Variants in DRAXIN observed in about 807,000 individuals in gnomAD.
The protein encoded by DRAXIN is dorsal inhibitory axon guidance protein, also known as dorsal repulsive axon guidance protein.
In DRAXIN, 27 loss-of-function variants were observed where a neutral mutation model predicts 33.9. That is an observed-to-expected ratio of 0.80 (90% CI 0.59 to 1.10). The LOEUF is 1.10. Ranked by LOEUF, DRAXIN falls within the 50% of genes least tolerant of loss-of-function variation. The probability of loss-of-function intolerance (pLI) is 0.00; values close to 1 mark genes in which losing one functional copy is unlikely to be tolerated. For synonymous variants in DRAXIN, 178 were observed against 194.0 expected (o/e 0.92, Z 0.69); for missense variants, 371 against 460.8 (o/e 0.81, Z 1.78).
At chr1:11,695,704 C>T (rs539200100) in intron 1 of DRAXIN, among the ~76,000 whole-genome samples, 11 of 151,882 alleles carry the variant, frequency 7.2e-5, no homozygotes, top group Non-Finnish European at 1.6e-4. Flanking sequence ...GATACCCAAA[C>T]AAACACAGAG....
Position 11,715,147 on chromosome 1 carries a change from C to G in DRAXIN, c.876C>G (p.Leu292=), listed in dbSNP as rs759539187. ...CTTGCTGCGACCTGCGGGAGCATCT[C>G]TGCACACCCCACAACCGAGGCCTCA... ...PGTCCDLREH[L]CTPHNRGLNN... is the part of the protein sequence containing the mutation. Residue 292 remains leucine, a synonymous_variant, in exon 6 of 7, where the codon CTC becomes CTG. Transcript: ENST00000294485. 6.2e-7 allele frequency: 1 copy of G among 1,614,268 alleles called. No individual in the cohort carries two copies. The highest frequency in any genetic ancestry group is 8.5e-7 in the Non-Finnish European group (1 of 1,180,054).
upstream of DRAXIN, among the ~76,000 whole-genome samples, chr1:11,690,678 C>T (rs1641044929): frequency 6.6e-6 from 1 of 152,210 alleles, no homozygotes; most frequent in South Asian, 2.1e-4. The surrounding 1 kb of genome is among the most constrained non-coding windows in gnomAD (Gnocchi z 4.2). Flanking sequence ...GCGCTGCTTC[C>T]CACATATGGG....
chr1:11,700,797 C>A (rs1457068156), intron 1 of DRAXIN, among the ~76,000 whole-genome samples: 1 of 152,186 alleles, frequency 6.6e-6, no homozygotes, highest in African/African-American at 2.4e-5. Context: ...TCCCATGGGA[C>A]CCGCCTTGGC....
At position 11,706,443 on chromosome 1, in the gene DRAXIN, C is replaced by G; in HGVS notation, c.185C>G (p.Pro62Arg). The stretch of plus-strand genomic sequence containing the variant: ...GCCAGCCACCACCGCCGGCGGGGCC[C>G]GGGCAAGAAGGAGTGGGGCCCAGGC... ...PQASHHRRRG[P>R]GKKEWGPGLP... Residue 62 changes from proline to arginine, a missense_variant, in exon 2 of 7, where the codon CCG (proline) becomes CGG (arginine). Pro to Arg is a moderately radical substitution (Grantham distance 103). Transcript: ENST00000294485. This position sits in a 1 kb window ranked among gnomAD's most constrained non-coding sequence, Gnocchi z 5.5. The G allele has an allele frequency of 1.9e-6, 3 of 1,611,426 alleles. No homozygotes were observed. The highest frequency in any genetic ancestry group is 1.1e-5 in the South Asian group (1 of 90,918).
upstream of DRAXIN, among the ~76,000 whole-genome samples, chr1:11,687,025 T>G (rs571309927): frequency 6.6e-5 from 10 of 152,294 alleles, no homozygotes; most frequent in East Asian, 1.7e-3. This position sits in a 1 kb window ranked among gnomAD's most constrained non-coding sequence, Gnocchi z 4.1. Flanking sequence ...CCAAAACTAC[T>G]AATCTACTTT....
rs1163183713 is a variant in DRAXIN, at chr1:11,706,560, G to A, written c.302G>A (p.Ser101Asn). Residue 101 changes from serine (S) to asparagine (N), a missense_variant, in exon 2 of 7, where the codon AGT (serine) becomes AAT (asparagine). Coordinates refer to ENST00000294485, the MANE Select transcript of DRAXIN (RefSeq NM_198545.4). This position sits in a 1 kb window ranked among gnomAD's most constrained non-coding sequence, Gnocchi z 5.5. ...PEAEGLLPEQ[S>N]PAGLLQDKDL... The stretch of plus-strand genomic sequence containing the variant: ...GCTGAGGGGCTGCTGCCTGAGCAGA[G>A]TCCTGCAGGCCTGCTGCAGGACAAG... 17 of 1,610,736 alleles carry A rather than the reference G, an allele frequency of 1.1e-5. No homozygotes were observed. Among genetic ancestry groups the A allele is most frequent in the Non-Finnish European group, 1.4e-5 (17 of 1,179,288 alleles).
In DRAXIN at chr1:11,692,612, G is replaced by C. The variant is rs74441669; in HGVS notation, c.-11+759G>C. ...CGGGGCCGGGGTATGAGATGAGAGA[G>C]GGCTGGGGTTTCCCGCCAAGTCTTT... On this transcript the variant is annotated intron_variant, in intron 1 of 6. Transcript: ENST00000294485. This position sits in a 1 kb window ranked among gnomAD's most constrained non-coding sequence, Gnocchi z 5.8. Among the ~76,000 whole-genome samples, 2,123 of 152,312 alleles carry C rather than the reference G, an allele frequency of 0.014. 41 individuals carry two copies. The highest frequency in any genetic ancestry group is 0.072 in the East Asian group (373 of 5,176).
At chr1:11,697,716 G>A (rs1322516453) in intron 1 of DRAXIN, among the ~76,000 whole-genome samples, 1 of 151,906 alleles carries the variant, frequency 6.6e-6, no homozygotes, top group Middle Eastern at 3.2e-3. Context: ...CTGACCACCG[G>A]GATTCACTCT....
chr1:11,719,396 C>T (rs897686423), intron 6 of DRAXIN, among the ~76,000 whole-genome samples, 188 bp from the exon 7 acceptor site: 1 of 152,236 alleles, frequency 6.6e-6, no homozygotes, highest in Non-Finnish European at 1.5e-5. Context: ...TGTTCTCCTT[C>T]CGTGTTCATT....
At chr1:11,712,682 T>C (rs1200373150) in intron 5 of DRAXIN, among the ~76,000 whole-genome samples, 1 of 149,858 alleles carries the variant, frequency 6.7e-6, no homozygotes, top group Non-Finnish European at 1.5e-5. Context: ...GTGGAACACC[T>C]GAGGTCAGGA....
chr1:11,720,174 T>C lies in DRAXIN; in HGVS notation c.*478T>C, dbSNP rs1370191395. 6.1e-6 allele frequency: 1 copy of C among 162,604 alleles called. No homozygotes were observed. Among genetic ancestry groups the C allele is most frequent in the Non-Finnish European group, 1.4e-5 (1 of 72,796 alleles). 10.1% of individuals were successfully genotyped at this position (162,604 alleles called of 1,614,324 possible). A position where few individuals can be genotyped will look rare whatever the true frequency, so the allele number is the denominator to read the frequency against. On this transcript the variant is annotated 3_prime_UTR_variant, in exon 7 of 7. Transcript: ENST00000294485. Reference sequence around the variant, plus strand: ...CACAACGACCTTTTCAAGTAGGCATTATCACCATGCGACAGGTTGAGGACC... The same window carrying C: ...CACAACGACCTTTTCAAGTAGGCATCATCACCATGCGACAGGTTGAGGACC...
rs1641365358 is a variant in DRAXIN, at chr1:11,705,536, AGAG to A, written c.-10-709_-10-707del. Among the ~76,000 whole-genome samples the A allele has an allele frequency of 6.6e-6, 1 of 152,116 alleles. No homozygotes were observed. The highest frequency in any genetic ancestry group is 2.1e-4 in the South Asian group (1 of 4,816). ...TTCTGGGGCCTCAGAGCTCATCATG[AGAG>A]GAGAAGAGAAAGGCAGAGCTGGGCC... On this transcript the variant is annotated intron_variant, in intron 1 of 6. Transcript: ENST00000294485. This position sits in a 1 kb window ranked among gnomAD's most constrained non-coding sequence, Gnocchi z 4.8.
upstream of DRAXIN, among the ~76,000 whole-genome samples, chr1:11,690,634 A>G (rs1456257998): frequency 6.6e-6 from 1 of 152,170 alleles, no homozygotes; most frequent in Non-Finnish European, 1.5e-5. This position sits in a 1 kb window ranked among gnomAD's most constrained non-coding sequence, Gnocchi z 4.2. Flanking sequence ...GTCGAAATGG[A>G]AGCCACCTGG....
chr1:11,697,302 T>G (rs962370730), intron 1 of DRAXIN, among the ~76,000 whole-genome samples: 1 of 152,206 alleles, frequency 6.6e-6, no homozygotes, highest in Non-Finnish European at 1.5e-5. Context: ...ACTGTCTCCC[T>G]TATCAGTGGG....
chr1:11,719,563 C>G (rs566203498), intron 6 of DRAXIN, 21 bp from the exon 7 acceptor site: 2 of 1,596,974 alleles, frequency 1.3e-6, no homozygotes, highest in Non-Finnish European at 8.5e-7. Flanking sequence ...CCTCTGACCC[C>G]CCTTGCCTCC....
At chr1:11,708,198 C>T (rs1046404353) in intron 2 of DRAXIN, among the ~76,000 whole-genome samples, 9 of 152,350 alleles carry the variant, frequency 5.9e-5, no homozygotes, top group South Asian at 4.1e-4. Flanking sequence ...TGCTGGGCTC[C>T]GGCTCCGCCA....
At chr1:11,703,743 G>T (rs758693235) in intron 1 of DRAXIN, among the ~76,000 whole-genome samples, 4 of 152,176 alleles carry the variant, frequency 2.6e-5, no homozygotes, top group Non-Finnish European at 5.9e-5. Context: ...GGCTGGCTGC[G>T]TGGGTGATAT....
chr1:11,715,035 T>A lies in DRAXIN; in HGVS notation c.848-84T>A, dbSNP rs117827803. On this transcript the variant is annotated intron_variant, in intron 5 of 6. Transcript: ENST00000294485. ...CGCGGCCTGCCACAGAGATGATGGA[T>A]CTCTTGTCCAGTGGGACCGAGTGCA... 247 of 1,506,182 alleles carry A rather than the reference T, an allele frequency of 1.6e-4. No homozygotes were observed. In the East Asian group the frequency reaches 5.3e-3, roughly 32 times the overall value. 93.3% of individuals were successfully genotyped at this position (1,506,182 alleles called of 1,614,324 possible).
chr1:11,703,123 A>G (rs1324987426), intron 1 of DRAXIN, among the ~76,000 whole-genome samples: 1 of 152,200 alleles, frequency 6.6e-6, no homozygotes, highest in East Asian at 1.9e-4. Flanking sequence ...AGGGCCCTGG[A>G]GGGGCCGCAG....
Sources: allele counts gnomAD v4.1 joint callset (sites outside exome capture counted in the v4.1 genomes callset), GRCh38; gene constraint gnomAD v4.1.1; non-coding constraint Gnocchi (gnomAD v3.1); transcripts MANE v1.5; gene names NCBI Gene and HGNC (gene_info 2026-07-23, HGNC 2026-07-21).